The following ADGRV1 variants were observed in gnomAD, a reference collection of about 807,000 sequenced individuals.
The protein encoded by ADGRV1 is adhesion G protein-coupled receptor V1, also known as G-protein coupled receptor 98.
A neutral mutation model predicts 596.2 loss-of-function variants in ADGRV1; 359 were observed. The observed-to-expected ratio is 0.60, with a 90% confidence interval of 0.55 to 0.66. ADGRV1 has a LOEUF of 0.66. Ranked by LOEUF, ADGRV1 falls within the 30% of genes least tolerant of loss-of-function variation. The pLI is 0.00. For synonymous variants in ADGRV1, 2,681 were observed against 2,679.2 expected, an observed-to-expected ratio of 1.00 and a Z score of -0.02; for missense variants, 7,274 against 7,575.6, an observed-to-expected ratio of 0.96 and a Z score of 1.48.
rs547070723 is a variant in ADGRV1 at position 90,924,458 on chromosome 5, G to A, written c.17857-40957G>A. On this transcript the variant is annotated intron_variant, in intron 83 of 89. Transcript: ENST00000405460. The stretch of plus-strand genomic sequence containing the variant: ...TGAGAAGTGTCTGTTCATGTCCTTC[G>A]CCCACTTTTTGAGGGGGTTGTTTTT... Among the ~76,000 whole-genome samples, 5 of 151,204 alleles carry A rather than the reference G, an allele frequency of 3.3e-5. No individual in the cohort carries two copies. In the South Asian group the frequency reaches 8.3e-4, roughly 25 times the overall value.
At chr5:91,038,253 A>G (rs1199956930) in intron 85 of ADGRV1, among the ~76,000 whole-genome samples, 2 of 152,244 alleles carry the variant, frequency 1.3e-5, no homozygotes, top group East Asian at 1.9e-4. Context: ...AGAGCAGTGT[A>G]AGATAAGCAG....
rs537714810 is a variant in ADGRV1 at position 90,949,657 on chromosome 5, G to A, written c.17857-15758G>A. 2.0e-5 allele frequency among the ~76,000 whole-genome samples: 3 copies of A among 152,314 alleles called. No individual in the cohort carries two copies. The East Asian group carries it at 5.8e-4, about 29-fold the overall frequency. On this transcript the variant is annotated intron_variant, in intron 83 of 89. Transcript: ENST00000405460. ...CTTCCCACTACAGGGAAATTCTCTA[G>A]GGGCTTTTTGCATAACAGAGTGCCC...
At chr5:91,069,670 A>G (rs1355572935) in intron 85 of ADGRV1, among the ~76,000 whole-genome samples, 1 of 152,206 alleles carries the variant, frequency 6.6e-6, no homozygotes, top group Non-Finnish European at 1.5e-5. Context: ...GTGAATATAA[A>G]TTACTTCAGA....
In ADGRV1 at chr5:90,558,806, A is replaced by C. The variant is rs1434007931; in HGVS notation, c.-90A>C. ...CTCCTGATCCTGTAGTGGTAGTAAG[A>C]ATCAGCAGCGCGGGCAAGGAGTACG... On this transcript the variant is annotated 5_prime_UTR_variant, in exon 1 of 90. Transcript: ENST00000405460. The C allele has an allele frequency of 1.5e-6, 2 of 1,300,950 alleles. No individual in the cohort carries two copies. Among genetic ancestry groups the C allele is most frequent in the South Asian group, 2.5e-5 (2 of 79,152 alleles). 80.6% of individuals were successfully genotyped at this position (1,300,950 alleles called of 1,614,324 possible).
intron 21 of ADGRV1, among the ~76,000 whole-genome samples, chr5:90,665,576 A>G (rs978018024): frequency 6.6e-6 from 1 of 150,790 alleles, no homozygotes. Flanking sequence ...TCCTGGATTC[A>G]TTAATTTTTT....
chr5:90,678,821 C>T (rs7716829), intron 25 of ADGRV1, among the ~76,000 whole-genome samples: 3 of 151,492 alleles, frequency 2.0e-5, no homozygotes, highest in African/African-American at 7.3e-5. Context: ...ATTCTCAACA[C>T]GGTTGCATTT....
intron 84 of ADGRV1, among the ~76,000 whole-genome samples, chr5:90,971,831 G>A (rs878988386): frequency 6.6e-6 from 1 of 152,108 alleles, no homozygotes; most frequent in African/African-American, 2.4e-5. Flanking sequence ...ATAATGACAG[G>A]ATCAGATTCA....
intron 37 of ADGRV1, 97 bp downstream of exon 37, chr5:90,705,676 A>T: frequency 3.3e-6 from 3 of 915,646 alleles, no homozygotes; most frequent in Non-Finnish European, 5.0e-6. Flanking sequence ...AATCGGGGAC[A>T]GGAGAAAATT....
At chr5:90,579,597 A>G (rs1419707854) in intron 1 of ADGRV1, among the ~76,000 whole-genome samples, 20 of 152,122 alleles carry the variant, frequency 1.3e-4, no homozygotes, top group Admixed American at 1.3e-3. Flanking sequence ...TTTGGGGTGG[A>G]GAGTTCTGTA....
At chr5:90,593,263 A>G (rs1443850401) in intron 1 of ADGRV1, among the ~76,000 whole-genome samples, 1 of 151,950 alleles carries the variant, frequency 6.6e-6, no homozygotes, top group Non-Finnish European at 1.5e-5. Context: ...ATGGAATATT[A>G]TGCAGCCATA....
chr5:90,685,846 A>G lies in ADGRV1; in HGVS notation c.6341A>G (p.Asp2114Gly), dbSNP rs1213761562. 6.2e-7 allele frequency: 1 copy of G among 1,612,500 alleles called. No individual in the cohort carries two copies. Among genetic ancestry groups the G allele is most frequent in the Admixed American group, 1.7e-5 (1 of 59,920 alleles). Residue 2114 changes from aspartate (D) to glycine (G), a missense_variant, in exon 29 of 90, where the codon GAT (aspartate) becomes GGT (glycine). Coordinates refer to ENST00000405460, the MANE Select transcript of ADGRV1 (RefSeq NM_032119.4). ...GCGCAACTAATTATCATTGCCAATG[A>G]TGATGCATTTGGAACTCTTCAGCTC... ...TIAQLIIIAN[D>G]DAFGTLQLSA... is the part of the protein sequence containing the mutation.
At chr5:90,622,210 A>G (rs952747784) in intron 4 of ADGRV1, among the ~76,000 whole-genome samples, 1 of 152,196 alleles carries the variant, frequency 6.6e-6, no homozygotes, top group African/African-American at 2.4e-5. Context: ...GGACAAGGCC[A>G]AGTGGTGGTC....
At position 90,987,402 on chromosome 5, in the gene ADGRV1, G is replaced by A. The variant is rs926995569; in HGVS notation, c.18152+1880G>A. Among the ~76,000 whole-genome samples, 11 of 149,906 alleles carry A rather than the reference G, an allele frequency of 7.3e-5. 1 individual carries two copies. The South Asian group carries it at 1.5e-3, about 20-fold the overall frequency. ...GGAGAATCACTTGAACCCAGGAGGC[G>A]GAAGTTGCAGTGAGCCAAGATCACG... On this transcript the variant is annotated intron_variant, in intron 85 of 89. Transcript: ENST00000405460.
intron 83 of ADGRV1, among the ~76,000 whole-genome samples, chr5:90,942,395 T>C (rs1346731216): frequency 3.3e-5 from 5 of 152,134 alleles, no homozygotes; most frequent in Non-Finnish European, 2.9e-5. Context: ...AGGGGTCCCA[T>C]TGGCTGAAAG....
At chr5:91,150,853 G>A (rs1795992220) in intron 88 of ADGRV1, among the ~76,000 whole-genome samples, 1 of 152,166 alleles carries the variant, frequency 6.6e-6, no homozygotes, top group African/African-American at 2.4e-5. Flanking sequence ...TTTCCTGTGT[G>A]TGAATCCCAT....
rs114045882 is a variant in ADGRV1, at chr5:91,111,229, C to T, written c.18432+8889C>T. 3.1e-3 allele frequency among the ~76,000 whole-genome samples: 467 copies of T among 152,274 alleles called. 3 individuals carry two copies. The highest frequency in any genetic ancestry group is 9.7e-3 in the African/African-American group (401 of 41,554). ...AACAAACAGTTCTCTCTCTCTCACT[C>T]GCTCTCTTACTCTCCACCCCACCCT... On this transcript the variant is annotated intron_variant, in intron 87 of 89. Transcript: ENST00000405460.
intron 47 of ADGRV1, 59 bp downstream of exon 47, chr5:90,725,291 A>T: frequency 9.1e-7 from 1 of 1,099,604 alleles, no homozygotes; most frequent in Non-Finnish European, 1.3e-6. Flanking sequence ...AAGATTTGTA[A>T]GATTGTTCAA....
At chr5:90,661,901 C>A (rs1038824505) in intron 21 of ADGRV1, among the ~76,000 whole-genome samples, 1 of 152,066 alleles carries the variant, frequency 6.6e-6, no homozygotes, top group Non-Finnish European at 1.5e-5. Flanking sequence ...TAATTACATA[C>A]CGGAGTCTAG....
intron 21 of ADGRV1, among the ~76,000 whole-genome samples, chr5:90,664,524 G>T (rs1770959137): frequency 7.0e-6 from 1 of 142,172 alleles, no homozygotes; most frequent in Admixed American, 7.3e-5. Context: ...CTGAGACAGT[G>T]GGGTTTTCTA....
Sources: gnomAD v4.1 joint callset for allele counts (sites outside exome capture counted in the v4.1 genomes callset) on GRCh38, gnomAD v4.1.1 for gene constraint, MANE v1.5 for transcripts, NCBI Gene and HGNC (gene_info 2026-07-23, HGNC 2026-07-21) for gene names.